Variants in ANKS1B observed in about 807,000 individuals in gnomAD.
ANKS1B encodes ankyrin repeat and sterile alpha motif domain containing 1B.
Under a neutral mutation model 148.3 loss-of-function variants are expected in ANKS1B, and 36 were observed. The ratio of observed to expected loss-of-function variants is 0.24; its 90% CI spans 0.19 to 0.32. The LOEUF is 0.32. Among genes scored for constraint, ANKS1B ranks in the 10% least tolerant of loss-of-function variants. The probability of loss-of-function intolerance (pLI) is 1.00; values close to 1 mark genes in which losing one functional copy is unlikely to be tolerated. For synonymous variants in ANKS1B, 542 were observed against 560.8 expected (o/e 0.97, Z 0.47); for missense variants, 1,157 against 1,542.6 (o/e 0.75, Z 4.19).
At chr12:99,809,810 T>A (rs2068100951) in intron 3 of ANKS1B, among the ~76,000 whole-genome samples, 1 of 152,226 alleles carries the variant, frequency 6.6e-6, no homozygotes, top group South Asian at 2.1e-4. Context: ...AAGCCCTGAC[T>A]ATAATGCATA....
chr12:99,354,743 G>A (rs1212251317), intron 12 of ANKS1B, among the ~76,000 whole-genome samples: 1 of 151,986 alleles, frequency 6.6e-6, no homozygotes, highest in Non-Finnish European at 1.5e-5. Flanking sequence ...AATTGCATAA[G>A]TAAAGGATAG....
chr12:99,551,189 T>C (rs918804557), intron 9 of ANKS1B, among the ~76,000 whole-genome samples: 1 of 152,186 alleles, frequency 6.6e-6, no homozygotes, highest in East Asian at 1.9e-4. Context: ...TGATGAATTA[T>C]CTAATTTTAT....
chr12:98,890,063 T>C (rs1453956054), intron 17 of ANKS1B, among the ~76,000 whole-genome samples: 1 of 152,188 alleles, frequency 6.6e-6, no homozygotes, highest in Admixed American at 6.6e-5. Flanking sequence ...GGAAGACGAC[T>C]TCCTCCTGCT....
At chr12:99,063,635 A>G (rs568590207) in intron 16 of ANKS1B, among the ~76,000 whole-genome samples, 1 of 152,244 alleles carries the variant, frequency 6.6e-6, no homozygotes, top group Admixed American at 6.5e-5. Flanking sequence ...GTTAATGATA[A>G]GAACATCACT....
At chr12:99,843,041 T>TTTCTTCAG (rs2086020580) in intron 1 of ANKS1B, among the ~76,000 whole-genome samples, 1 of 152,100 alleles carries the variant, frequency 6.6e-6, no homozygotes, top group Non-Finnish European at 1.5e-5. Flanking sequence ...GTTGCTGTAG[T>TTTCTTCAG]TTCTTCAGTT....
At chr12:99,648,576 A>C in intron 9 of ANKS1B, 1 of 1,614,150 alleles carries the variant, frequency 6.2e-7, no homozygotes, top group Non-Finnish European at 8.5e-7. Context: ...ACAACAGCGT[A>C]AAAAAACAGC....
chr12:99,506,262 T>C (rs2096710911), intron 9 of ANKS1B, among the ~76,000 whole-genome samples: 1 of 151,902 alleles, frequency 6.6e-6, no homozygotes. Context: ...ACTAATATTT[T>C]TGAAAAATCT....
At position 99,727,158 on chromosome 12, in the gene ANKS1B, A is replaced by G. The variant is rs866895127; in HGVS notation, c.1128+45764T>C. Among the ~76,000 whole-genome samples, 4 of 152,222 alleles carry G rather than the reference A, an allele frequency of 2.6e-5. No homozygotes were observed. In the Middle Eastern group the frequency reaches 0.01, roughly 388 times the overall value. ...TGGCCAGGGCAATCAGGCAAGAGAA[A>G]GAAGTAAAGCATATTCGAATAGAAA... On this transcript the variant is annotated intron_variant, in intron 8 of 26. Transcript: ENST00000683438.
chr12:99,855,366 T>A (rs113768178), intron 1 of ANKS1B, among the ~76,000 whole-genome samples: 1 of 152,002 alleles, frequency 6.6e-6, no homozygotes, highest in Non-Finnish European at 1.5e-5. Context: ...AACATCACAA[T>A]CCTAAATATA....
chr12:99,909,217 CGTGTGTGTGTGTGTGTGTGT>C (rs60264932), intron 1 of ANKS1B, among the ~76,000 whole-genome samples: 7 of 137,314 alleles, frequency 5.1e-5, no homozygotes, highest in Admixed American at 2.9e-4. Context: ...AATATTCCAT[CGTGTGTGTGTGTGTGTGTGT>C]GTGTGTGTGT....
At chr12:99,789,434 C>A (rs1210869219) in intron 4 of ANKS1B, among the ~76,000 whole-genome samples, 4 of 152,068 alleles carry the variant, frequency 2.6e-5, no homozygotes, top group Admixed American at 1.3e-4. Context: ...TCCAAGAAAA[C>A]ATGACCTCAC....
At chr12:98,757,322 A>G (rs2153424091) in intron 25 of ANKS1B, among the ~76,000 whole-genome samples, 1 of 152,358 alleles carries the variant, frequency 6.6e-6, no homozygotes, top group Non-Finnish European at 1.5e-5. Context: ...GATGTTGTTG[A>G]GCAGGACTGC....
chr12:99,857,125 C>G (rs2089258304), intron 1 of ANKS1B, among the ~76,000 whole-genome samples: 1 of 151,924 alleles, frequency 6.6e-6, no homozygotes, highest in Non-Finnish European at 1.5e-5. Flanking sequence ...GATTGTATAC[C>G]TAGAAAACCT....
At chr12:98,948,947 CTTTT>C (rs869145338) in intron 17 of ANKS1B, among the ~76,000 whole-genome samples, 23 of 84,858 alleles carry the variant, frequency 2.7e-4, no homozygotes, top group African/African-American at 1.2e-3. Context: ...GCATGAGCTA[CTTTT>C]TTTTTTTTTT....
intron 12 of ANKS1B, among the ~76,000 whole-genome samples, chr12:99,354,058 T>C (rs551177839): frequency 6.8e-4 from 104 of 152,154 alleles, no homozygotes; most frequent in Non-Finnish European, 1.4e-3. Flanking sequence ...TCATGCAAGA[T>C]AAAAGAAGTA....
At chr12:99,259,410 T>G (rs1234717094) in intron 12 of ANKS1B, among the ~76,000 whole-genome samples, 1 of 152,192 alleles carries the variant, frequency 6.6e-6, no homozygotes, top group Non-Finnish European at 1.5e-5. Flanking sequence ...CTCTGTTGTT[T>G]CCTGGTCTAT....
At chr12:99,624,891 T>C (rs2088786) in intron 9 of ANKS1B, among the ~76,000 whole-genome samples, 82,536 of 151,984 alleles carry the variant, frequency 0.54, 23,013 homozygotes, top group Admixed American at 0.62. Context: ...AATCCCATTA[T>C]TGGGTATATA....
intron 17 of ANKS1B, among the ~76,000 whole-genome samples, chr12:99,046,014 T>C (rs1568539407): frequency 2.6e-5 from 4 of 152,164 alleles, no homozygotes; most frequent in Non-Finnish European, 4.4e-5. Context: ...GCTGAAAAGA[T>C]GAGTAGGAAT....
rs79192708 is a variant in ANKS1B at position 99,815,272 on chromosome 12, C to T, written c.216-2961G>A. On this transcript the variant is annotated intron_variant, in intron 2 of 26. Coordinates refer to ENST00000683438, the MANE Select transcript of ANKS1B (RefSeq NM_001352186.2). ...GGAAGATTTATGACAAGTGAAAAAA[C>T]GTCTATTTTGAAAACTGACTTACTA... 0.011 allele frequency among the ~76,000 whole-genome samples: 1,733 copies of T among 151,686 alleles called. 110 individuals carry two copies. In the East Asian group the frequency reaches 0.2, roughly 17 times the overall value.
Sources: allele counts gnomAD v4.1 joint callset (sites outside exome capture counted in the v4.1 genomes callset), GRCh38; gene constraint gnomAD v4.1.1; transcripts MANE v1.5; gene names NCBI Gene and HGNC (gene_info 2026-07-23, HGNC 2026-07-21).